Variants in ADCYAP1R1 observed in about 807,000 individuals in gnomAD.
ADCYAP1R1 encodes the protein pituitary adenylate cyclase-activating polypeptide type I receptor.
ADCYAP1R1 carries 44 observed loss-of-function variants against 67.6 expected under a neutral mutation model. The ratio of observed to expected loss-of-function variants is 0.65; its 90% CI spans 0.51 to 0.84. The LOEUF (loss-of-function observed/expected upper bound fraction) is 0.84. Among genes scored for constraint, ADCYAP1R1 ranks in the 40% least tolerant of loss-of-function variants. The pLI is 0.00. For synonymous variants in ADCYAP1R1, 222 were observed against 219.6 expected, an observed-to-expected ratio of 1.01 and a Z score of -0.10; for missense variants, 477 against 587.9, an observed-to-expected ratio of 0.81 and a Z score of 1.95.
At chr7:31,092,791 A>G in intron 13 of ADCYAP1R1, 56 bp downstream of exon 13, 1 of 1,372,112 alleles carries the variant, frequency 7.3e-7, no homozygotes. Context: ...CGGGCCCTGC[A>G]TTCAGGTCAC....
intron 1 of ADCYAP1R1, among the ~76,000 whole-genome samples, chr7:31,058,828 A>G (rs1794371517): frequency 6.6e-6 from 1 of 152,086 alleles, no homozygotes; most frequent in Admixed American, 6.5e-5. Flanking sequence ...GAGTGCACCA[A>G]CTTTGGAGCC....
chr7:31,081,405 A>G (rs1795506109), intron 5 of ADCYAP1R1, among the ~76,000 whole-genome samples: 1 of 151,988 alleles, frequency 6.6e-6, no homozygotes, highest in Admixed American at 6.5e-5. Context: ...ATTTTCTCCC[A>G]TTCCTCTCCA....
chr7:31,077,713 G>A (rs537521536), intron 3 of ADCYAP1R1, among the ~76,000 whole-genome samples: 2 of 149,436 alleles, frequency 1.3e-5, no homozygotes, highest in East Asian at 2.0e-4. Flanking sequence ...TGATGTGTGT[G>A]TAATGTGTGT....
At position 31,104,917 on chromosome 7, in the gene ADCYAP1R1, C is replaced by T; in HGVS notation, c.1218+8C>T. ...TGTTTTCTGAATGGTGAGGTAAGAC[C>T]TTGGCCCTCTGGCTTCTTGGCAGTG... is the stretch of plus-strand genomic sequence containing the variant. On this transcript the variant is annotated splice_region_variant and intron_variant, in intron 15 of 15. Transcript: ENST00000304166. The T allele has an allele frequency of 1.2e-6, 2 of 1,614,128 alleles. No homozygotes were observed. Among genetic ancestry groups the T allele is most frequent in the Non-Finnish European group, 8.5e-7 (1 of 1,179,984 alleles).
intron 1 of ADCYAP1R1, among the ~76,000 whole-genome samples, chr7:31,054,622 C>T (rs1794165214): frequency 6.6e-6 from 1 of 152,242 alleles, no homozygotes; most frequent in Non-Finnish European, 1.5e-5. Context: ...AGGGCTTAAG[C>T]TGGAGTGTCC....
At chr7:31,074,206 G>A (rs997505447) in intron 3 of ADCYAP1R1, among the ~76,000 whole-genome samples, 3 of 152,192 alleles carry the variant, frequency 2.0e-5, no homozygotes, top group African/African-American at 4.8e-5. Context: ...ACTGTCCTGA[G>A]TCACAAGTGA....
intron 3 of ADCYAP1R1, among the ~76,000 whole-genome samples, chr7:31,073,239 A>C (rs1795064950): frequency 6.6e-6 from 1 of 152,204 alleles, no homozygotes; most frequent in African/African-American, 2.4e-5. Flanking sequence ...CTGGACTAAG[A>C]GCTCTGTGAA....
At chr7:31,095,858 G>C in intron 13 of ADCYAP1R1, 1 of 640,680 alleles carries the variant, frequency 1.6e-6, no homozygotes, top group Non-Finnish European at 2.8e-6. Flanking sequence ...GGCCTCTGCG[G>C]GGGGACGGTG....
At chr7:31,062,650 C>T (rs1794556634) in intron 1 of ADCYAP1R1, among the ~76,000 whole-genome samples, 1 of 152,186 alleles carries the variant, frequency 6.6e-6, no homozygotes, top group African/African-American at 2.4e-5. Flanking sequence ...TTCACGTCCA[C>T]ACTGTCAAAG....
intron 6 of ADCYAP1R1, among the ~76,000 whole-genome samples, chr7:31,083,259 G>T (rs1214224806): frequency 6.6e-6 from 1 of 152,204 alleles, no homozygotes; most frequent in Non-Finnish European, 1.5e-5. Flanking sequence ...CCCCTGCCCT[G>T]GACATGAGTG....
intron 3 of ADCYAP1R1, among the ~76,000 whole-genome samples, chr7:31,077,374 T>C (rs917618623): frequency 2.7e-5 from 4 of 147,614 alleles, no homozygotes; most frequent in African/African-American, 1.0e-4. Context: ...TGTATGTGTC[T>C]GGTGTGAGTG....
At chr7:31,075,238 T>C (rs1795160466) in intron 3 of ADCYAP1R1, among the ~76,000 whole-genome samples, 2 of 152,178 alleles carry the variant, frequency 1.3e-5, no homozygotes, top group Non-Finnish European at 2.9e-5. Context: ...ATGAAATTAA[T>C]GATTCTGTCG....
rs1262089923 is a variant in ADCYAP1R1 at position 31,063,219 on chromosome 7, G to A, written c.-46G>A. Reference sequence around the variant, plus strand: ...CCCAGAGACACATTGGGGCTGACCTGCCGCTGCTGTCAGTGGGAGGCCAGT... The same window carrying A: ...CCCAGAGACACATTGGGGCTGACCTACCGCTGCTGTCAGTGGGAGGCCAGT... On this transcript the variant is annotated 5_prime_UTR_variant, in exon 2 of 16. Coordinates refer to ENST00000304166, the MANE Select transcript of ADCYAP1R1 (RefSeq NM_001118.5). 1.2e-6 allele frequency: 2 copies of A among 1,612,402 alleles called. No individual in the cohort carries two copies.
At chr7:31,084,071 A>AT (rs1233630998) in intron 6 of ADCYAP1R1, 70 bp from the exon 7 acceptor site, 1 of 1,392,172 alleles carries the variant, frequency 7.2e-7, no homozygotes, top group African/African-American at 1.4e-5. Context: ...TGAATACGTA[A>AT]TTTTTGCATA....
intron 5 of ADCYAP1R1, among the ~76,000 whole-genome samples, chr7:31,081,344 C>G (rs1374091006): frequency 6.6e-6 from 1 of 152,154 alleles, no homozygotes; most frequent in Non-Finnish European, 1.5e-5. Flanking sequence ...GCCCTGGGCC[C>G]ACGTTGCTGT....
chr7:31,095,806 G>A (rs1290338222), intron 13 of ADCYAP1R1: 12 of 708,052 alleles, frequency 1.7e-5, no homozygotes, highest in African/African-American at 5.3e-5. Flanking sequence ...AGACCAAGAC[G>A]GTATTCCTGG....
chr7:31,092,460 A>G (rs1396933375), intron 12 of ADCYAP1R1, among the ~76,000 whole-genome samples, 184 bp from the exon 13 acceptor site: 1 of 151,324 alleles, frequency 6.6e-6, no homozygotes, highest in South Asian at 2.1e-4. Flanking sequence ...TTTTTCTTCT[A>G]TCTCTTCCTT....
At position 31,063,288 on chromosome 7, in the gene ADCYAP1R1, C is replaced by T; in HGVS notation, c.24C>T (p.Ser8=). 4 of 1,614,178 alleles carry T rather than the reference C, an allele frequency of 2.5e-6. No homozygotes were observed. Among genetic ancestry groups the T allele is most frequent in the Non-Finnish European group, 8.5e-7 (1 of 1,180,024 alleles). The part of the protein sequence containing the change: MAGVVHV[S]LAALLLLPMA... ...TCATGGCTGGTGTCGTGCACGTTTC[C>T]CTGGCTGCTCTCCTCCTGCTGCCTA... The change falls in exon 2 of 16, where the codon TCC becomes TCT. Residue 8 remains serine (S), a synonymous_variant. Coordinates refer to ENST00000304166, the MANE Select transcript of ADCYAP1R1 (RefSeq NM_001118.5).
intron 1 of ADCYAP1R1, among the ~76,000 whole-genome samples, chr7:31,058,535 G>T (rs1241572794): frequency 6.6e-6 from 1 of 152,150 alleles, no homozygotes; most frequent in Non-Finnish European, 1.5e-5. Context: ...CAAGCCTCCA[G>T]GCTCTATATT....
Sources: gnomAD v4.1 joint callset for allele counts (sites outside exome capture counted in the v4.1 genomes callset) on GRCh38, gnomAD v4.1.1 for gene constraint, MANE v1.5 for transcripts, NCBI Gene and HGNC (gene_info 2026-07-23, HGNC 2026-07-21) for gene names.